The following MUC12 variants were observed in gnomAD, a reference collection of about 807,000 sequenced individuals.
The protein encoded by MUC12 is mucin-12.
MUC12 carries 172 observed loss-of-function variants against 230.8 expected under a neutral mutation model. The observed-to-expected ratio is 0.75, with a 90% CI of 0.66 to 0.85. The LOEUF is 0.85. Among genes scored for constraint, MUC12 ranks in the 40% least tolerant of loss-of-function variants. The pLI, the probability that MUC12 is intolerant of heterozygous loss-of-function variation, is 0.00. For synonymous variants in MUC12, 1,259 were observed against 2,401.9 expected (o/e 0.52, Z 13.91); for missense variants, 3,506 against 5,920.6 (o/e 0.59, Z 13.38).
At chr7:100,976,290 A>AT (rs1793029462) in intron 1 of MUC12, among the ~76,000 whole-genome samples, 1 of 150,844 alleles carries the variant, frequency 6.6e-6, no homozygotes, top group African/African-American at 2.4e-5. Context: ...AAAAATAAAA[A>AT]AATATATATA....
At chr7:100,979,118 T>C (rs1793069520) in intron 1 of MUC12, among the ~76,000 whole-genome samples, 1 of 152,122 alleles carries the variant, frequency 6.6e-6, no homozygotes, top group Admixed American at 6.6e-5. Flanking sequence ...CCTTAATCTT[T>C]TTAAAGAAAA....
chr7:101,012,091 C>G (rs1297154547), intron 5 of MUC12, among the ~76,000 whole-genome samples: 2 of 152,160 alleles, frequency 1.3e-5, no homozygotes, highest in East Asian at 1.9e-4. Flanking sequence ...TGGCATTTAT[C>G]ATGATCACTG....
intron 10 of MUC12, chr7:101,017,343 G>T: frequency 2.0e-6 from 1 of 500,222 alleles, no homozygotes; most frequent in Non-Finnish European, 3.6e-6. Flanking sequence ...CCGTGCATGT[G>T]GGGGGCTTCT....
chr7:100,985,065 C>T (rs1011134455), intron 1 of MUC12, among the ~76,000 whole-genome samples: 2 of 152,086 alleles, frequency 1.3e-5, no homozygotes, highest in East Asian at 3.9e-4. Flanking sequence ...TGGGGTTTCA[C>T]CATGTTGGCC....
intron 1 of MUC12, chr7:100,981,610 C>G (rs1296760722): frequency 2.3e-6 from 1 of 427,802 alleles, no homozygotes; most frequent in Non-Finnish European, 4.1e-6. Context: ...CTTGGTGTGA[C>G]CTGCGAGGGC....
At chr7:100,988,075 A>C (rs976240638) in intron 1 of MUC12, among the ~76,000 whole-genome samples, 19 of 151,942 alleles carry the variant, frequency 1.3e-4, no homozygotes, top group African/African-American at 4.3e-4. Context: ...CAAGGCAGGC[A>C]GATCATTTGA....
At chr7:100,971,173 G>C (rs1052513559) in intron 1 of MUC12, among the ~76,000 whole-genome samples, 1 of 44,586 alleles carries the variant, frequency 2.2e-5, no homozygotes, top group African/African-American at 8.2e-5. Flanking sequence ...AAACAAAAAA[G>C]AAACAAACAA....
At chr7:100,969,817 T>A in intron 1 of MUC12, 128 bp downstream of exon 1, 2 of 1,355,024 alleles carry the variant, frequency 1.5e-6, no homozygotes, top group Non-Finnish European at 2.0e-6. Context: ...GCCACAGGGC[T>A]GGAGACCCGT....
Position 100,991,198 on chromosome 7 carries a change from C to A in MUC12, c.635C>A (p.Thr212Asn). 1 of 1,537,718 alleles carries A rather than the reference C, an allele frequency of 6.5e-7. No homozygotes were observed. Among genetic ancestry groups the A allele is most frequent in the Non-Finnish European group, 8.7e-7 (1 of 1,146,932 alleles). Residue 212 changes from threonine (T) to asparagine (N), a missense_variant, in exon 2 of 12, where the codon ACC (threonine) becomes AAC (asparagine). Physicochemically the swap from Thr to Asn is moderately conservative, Grantham distance 65. Transcript: ENST00000536621. ...STDTTLSPGTTTPSSLGPEST... is the reference protein window; with the variant it reads ...STDTTLSPGTNTPSSLGPEST... ...GACACAACACTGTCCCCTGGCACTA[C>A]CACACCATCATCCCTTGGTCCAGAA... is the stretch of plus-strand genomic sequence containing the variant.
intron 1 of MUC12, among the ~76,000 whole-genome samples, chr7:100,976,433 G>A (rs1465524789): frequency 5.2e-5 from 7 of 134,620 alleles, no homozygotes; most frequent in Admixed American, 4.1e-4. Context: ...GTGAAATCCC[G>A]TCTCTACTAA....
At chr7:101,017,844 C>A (rs550996903) in intron 11 of MUC12, among the ~76,000 whole-genome samples, 181 bp downstream of exon 11, 7 of 105,576 alleles carry the variant, frequency 6.6e-5, no homozygotes, top group African/African-American at 2.7e-4. Context: ...CCCCTGGGAC[C>A]CCTTCCTTTC....
At chr7:101,012,548 C>A in intron 6 of MUC12, 101 bp downstream of exon 6, 2 of 1,337,160 alleles carry the variant, frequency 1.5e-6, no homozygotes, top group Non-Finnish European at 2.0e-6. Flanking sequence ...ACTCCCAAGA[C>A]TTCTGCCACA....
intron 1 of MUC12, chr7:100,973,152 G>C (rs1792945461): frequency 3.2e-6 from 2 of 629,128 alleles, no homozygotes; most frequent in East Asian, 5.5e-5. Flanking sequence ...GGGCAGACCA[G>C]CATCAGAGAG....
In MUC12 at chr7:100,991,823, A is replaced by AC. The variant is rs1285893548; in HGVS notation, c.1260_1261insC (p.Thr421HisfsTer6). 3 of 1,537,814 alleles carry AC rather than the reference A, an allele frequency of 2.0e-6. No individual in the cohort carries two copies. The highest frequency in any genetic ancestry group is 2.6e-6 in the Non-Finnish European group (3 of 1,147,066). ...ACCACAGCAGCCTGGGCTCAACTGAAACAACACACTTCCGTGATAGCTCCA... is the reference window on the plus strand; with the variant it reads ...ACCACAGCAGCCTGGGCTCAACTGAACACAACACACTTCCGTGATAGCTCCA... On this transcript the variant is annotated frameshift_variant, in exon 2 of 12. Transcript: ENST00000536621. LOFTEE classifies it high-confidence loss of function.
intron 3 of MUC12, among the ~76,000 whole-genome samples, chr7:101,007,931 G>A (rs1289926134): frequency 1.3e-5 from 2 of 151,370 alleles, no homozygotes; most frequent in Non-Finnish European, 2.9e-5. Context: ...CCAAGTAGCT[G>A]GGACTACAGG....
At chr7:101,018,558 T>C (rs1351913567) in intron 11 of MUC12, 37 bp from the exon 12 acceptor site, 5 of 1,533,274 alleles carry the variant, frequency 3.3e-6, no homozygotes, top group Non-Finnish European at 3.5e-6. Flanking sequence ...TTCCCGGGTC[T>C]GCCCCTTGGC....
chr7:100,990,451 A>T, intron 1 of MUC12, 180 bp from the exon 2 acceptor site: 1 of 724,110 alleles, frequency 1.4e-6, no homozygotes. Context: ...CATCAATAAA[A>T]TTTCTTCAAA....
chr7:100,992,468 T>C lies in MUC12; in HGVS notation c.1905T>C (p.His635=), dbSNP rs374369227. 1.0e-4 allele frequency: 158 copies of C among 1,537,870 alleles called. 1 individual carries two copies. In the African/African-American group the frequency reaches 1.5e-3, roughly 15 times the overall value. The change falls in exon 2 of 12, where the codon CAT becomes CAC. Residue 635 remains histidine, a synonymous_variant. Transcript: ENST00000536621. ...TTRQGESTTF[H]SWPSSKDTRP... ...GTCAGGGAGAATCTACCACATTCCA[T>C]AGCTGGCCAAGCTCAAAGGACACTA...
intron 5 of MUC12, among the ~76,000 whole-genome samples, chr7:101,011,434 T>C (rs1793839084): frequency 6.6e-6 from 1 of 152,188 alleles, no homozygotes; most frequent in Non-Finnish European, 1.5e-5. Context: ...TCTTTCTTTT[T>C]TAAATTTTAA....
Sources: gnomAD v4.1 joint callset for allele counts (sites outside exome capture counted in the v4.1 genomes callset) on GRCh38, gnomAD v4.1.1 for gene constraint, MANE v1.5 for transcripts, NCBI Gene and HGNC (gene_info 2026-07-23, HGNC 2026-07-21) for gene names.